VLDLR: variants seen among roughly 807,000 people sequenced by gnomAD.
The protein encoded by VLDLR is very low-density lipoprotein receptor.
A neutral mutation model predicts 112.7 loss-of-function variants in VLDLR; 81 were observed. The ratio of observed to expected loss-of-function variants is 0.72; its 90% CI spans 0.60 to 0.86. The LOEUF is 0.86. VLDLR is among the 40% of genes least tolerant of loss of function. VLDLR has a pLI of 0.00. For missense variants in VLDLR, 1,237 were observed against 1,099.4 expected (o/e 1.13, Z -1.77); for synonymous variants, 436 against 384.8 (o/e 1.13, Z -1.56).
At chr9:2,652,501 C>G (rs1474882361) in intron 17 of VLDLR, among the ~76,000 whole-genome samples, 1 of 152,150 alleles carries the variant, frequency 6.6e-6, no homozygotes, top group Non-Finnish European at 1.5e-5. Flanking sequence ...TCTCCAGAAC[C>G]TTCTGCAATT....
chr9:2,640,591 A>C (rs1817781664), intron 3 of VLDLR, among the ~76,000 whole-genome samples: 1 of 152,192 alleles, frequency 6.6e-6, no homozygotes, highest in Admixed American at 6.5e-5. Flanking sequence ...GGGATCATAT[A>C]AATTGAGATC....
chr9:2,637,799 C>T (rs1431456592), intron 2 of VLDLR, among the ~76,000 whole-genome samples: 4 of 152,050 alleles, frequency 2.6e-5, no homozygotes, highest in Non-Finnish European at 5.9e-5. Context: ...AAAATTTAGC[C>T]GGACATGGTG....
At chr9:2,630,206 C>A (rs1817279070) in intron 1 of VLDLR, among the ~76,000 whole-genome samples, 3 of 152,172 alleles carry the variant, frequency 2.0e-5, no homozygotes, top group Admixed American at 1.3e-4. Context: ...TTGCCTCTTA[C>A]AAACCCTTCT....
chr9:2,622,326 A>G (rs1007640812), intron 1 of VLDLR, 55 bp downstream of exon 1: 3 of 1,401,446 alleles, frequency 2.1e-6, no homozygotes, highest in Non-Finnish European at 2.8e-6. Flanking sequence ...GGGCACCGGG[A>G]GACCCCGAGG....
At chr9:2,639,276 AAGAG>A (rs1227610359) in intron 2 of VLDLR, among the ~76,000 whole-genome samples, 1 of 152,024 alleles carries the variant, frequency 6.6e-6, no homozygotes, top group African/African-American at 2.4e-5. Flanking sequence ...GTAGATAACA[AAGAG>A]AGAGAGAGTA....
Position 2,648,337 on chromosome 9 carries a change from C to A in VLDLR, c.1952C>A (p.Thr651Lys). ...LEFLAHPLAL[T>K]IFEDRVYWID... is the part of the protein sequence containing the mutation. ...TTCCTAGCTCATCCTCTTGCACTAA[C>A]AATATTTGAGGTAAGATGTGTCTCA... Residue 651 changes from threonine to lysine, a missense_variant, in exon 13 of 19, where the codon ACA (threonine) becomes AAA (lysine). Thr to Lys is a moderately conservative substitution (Grantham distance 78, BLOSUM62 -1). Transcript: ENST00000382100. 1 of 1,614,144 alleles carries A rather than the reference C, an allele frequency of 6.2e-7. No individual in the cohort carries two copies. The highest frequency in any genetic ancestry group is 8.5e-7 in the Non-Finnish European group (1 of 1,180,016).
intron 1 of VLDLR, 61 bp from the exon 2 acceptor site, chr9:2,635,392 A>T: frequency 4.3e-6 from 7 of 1,610,246 alleles, no homozygotes; most frequent in Middle Eastern, 1.7e-4. Flanking sequence ...ATCCATGGGT[A>T]TTAGGTATCT....
At chr9:2,635,386 A>G in intron 1 of VLDLR, 67 bp from the exon 2 acceptor site, 2 of 1,610,538 alleles carry the variant, frequency 1.2e-6, no homozygotes, top group Non-Finnish European at 1.7e-6. Context: ...GTCCCCATCC[A>G]TGGGTATTAG....
At chr9:2,647,834 T>C (rs1282653876) in intron 12 of VLDLR, 3 of 606,226 alleles carry the variant, frequency 4.9e-6, no homozygotes, top group Non-Finnish European at 8.9e-6. Flanking sequence ...CAGTGAACGT[T>C]GGGTCTTGGG....
At chr9:2,640,279 G>T (rs1586647293) in intron 3 of VLDLR, among the ~76,000 whole-genome samples, 2 of 152,206 alleles carry the variant, frequency 1.3e-5, no homozygotes, top group Non-Finnish European at 2.9e-5. Context: ...TCAAATGTCT[G>T]TTTATAATAA....
At chr9:2,633,670 A>G (rs1238005057) in intron 1 of VLDLR, among the ~76,000 whole-genome samples, 2 of 152,150 alleles carry the variant, frequency 1.3e-5, no homozygotes, top group African/African-American at 2.4e-5. Flanking sequence ...CAACCTGACT[A>G]TTCTTTCCAA....
At position 2,641,399 on chromosome 9, in the gene VLDLR, T is replaced by G. The variant is rs763187335; in HGVS notation, c.348T>G (p.His116Gln). Residue 116 changes from histidine to glutamine, a missense_variant, in exon 4 of 19, where the codon CAT becomes CAG. Physicochemically the swap from His to Gln is conservative, Grantham distance 24. Coordinates refer to ENST00000382100, the MANE Select transcript of VLDLR (RefSeq NM_003383.5). ...EQCHMRTCRI[H>Q]EISCGAHSTQ... ...CAGATATGAGAACATGCCGCATACA[T>G]GAAATCAGCTGTGGCGCCCATTCTA... The G allele has an allele frequency of 1.2e-6, 2 of 1,614,194 alleles. No homozygotes were observed. Among genetic ancestry groups the G allele is most frequent in the Non-Finnish European group, 8.5e-7 (1 of 1,180,024 alleles).
At chr9:2,650,176 TG>T (rs2130805135) in intron 14 of VLDLR, among the ~76,000 whole-genome samples, 193 bp from the exon 15 acceptor site, 1 of 152,304 alleles carries the variant, frequency 6.6e-6, no homozygotes, top group South Asian at 2.1e-4. Context: ...GTCCCTTATC[TG>T]GTGTCCTTAG....
intron 13 of VLDLR, 127 bp from the exon 14 acceptor site, chr9:2,648,542 A>G: frequency 1.3e-6 from 2 of 1,537,308 alleles, no homozygotes; most frequent in Admixed American, 3.3e-5. Flanking sequence ...TTACAGTTTT[A>G]TATCCAGTGT....
intron 1 of VLDLR, among the ~76,000 whole-genome samples, chr9:2,622,549 C>T (rs966964486): frequency 6.6e-6 from 1 of 152,358 alleles, no homozygotes; most frequent in South Asian, 2.1e-4. Context: ...CGCTGCTTCG[C>T]CTCGTTTCTC....
chr9:2,640,254 C>G (rs1250311459), intron 3 of VLDLR, among the ~76,000 whole-genome samples: 1 of 152,178 alleles, frequency 6.6e-6, no homozygotes, highest in Non-Finnish European at 1.5e-5. Flanking sequence ...AACTCCTTGA[C>G]TAGGTGCATA....
At chr9:2,643,998 T>C (rs368528623) in intron 7 of VLDLR, 39 bp downstream of exon 7, 2 of 1,613,730 alleles carry the variant, frequency 1.2e-6, no homozygotes, top group South Asian at 1.1e-5. Flanking sequence ...TCCTGGAAGT[T>C]TGACACAATC....
chr9:2,627,851 C>T (rs1357322812), intron 1 of VLDLR, among the ~76,000 whole-genome samples: 3 of 138,770 alleles, frequency 2.2e-5, no homozygotes, highest in Non-Finnish European at 4.5e-5. Context: ...GGCTACAGTG[C>T]GAGAATCCAT....
Position 2,657,845 on chromosome 9 carries a change from C to T in VLDLR, c.*3977C>T, listed in dbSNP as rs1366524333. 1 of 152,098 alleles carries T rather than the reference C, an allele frequency of 6.6e-6. No individual in the cohort carries two copies. Among genetic ancestry groups the T allele is most frequent in the Non-Finnish European group, 1.5e-5 (1 of 68,022 alleles). The allele number at this position is 152,098 out of a possible 1,614,324, so 9.4% of individuals were successfully genotyped here. A position where few individuals can be genotyped will look rare whatever the true frequency, so the allele number is the denominator to read the frequency against. ...ATATAGTCTCTAAGGCCAGAAGGGG[C>T]TTATAATGACTTCTCTTCTAGAATT... On this transcript the variant is annotated 3_prime_UTR_variant, in exon 19 of 19. Transcript: ENST00000382100.
Sources: allele counts gnomAD v4.1 joint callset (sites outside exome capture counted in the v4.1 genomes callset), GRCh38; gene constraint gnomAD v4.1.1; transcripts MANE v1.5; gene names NCBI Gene and HGNC (gene_info 2026-07-23, HGNC 2026-07-21).